The following PCDHA11 variants were observed in gnomAD, a reference collection of about 807,000 sequenced individuals.
PCDHA11 encodes the protein protocadherin alpha 11.
A neutral mutation model predicts 70.3 loss-of-function variants in PCDHA11; 61 were observed. The ratio of observed to expected loss-of-function variants is 0.87; its 90% CI spans 0.71 to 1.07. The LOEUF (loss-of-function observed/expected upper bound fraction) is 1.07, where lower values mean the gene tolerates loss of function less well. Ranked by LOEUF, PCDHA11 falls within the 50% of genes least tolerant of loss-of-function variation. The pLI is 0.00. For synonymous variants in PCDHA11, 633 were observed against 555.1 expected (o/e 1.14, Z -1.97); for missense variants, 1,324 against 1,237.5 (o/e 1.07, Z -1.05).
intron 1 of PCDHA11, chr5:140,968,752 C>T: frequency 6.2e-7 from 1 of 1,614,094 alleles, no homozygotes; most frequent in Non-Finnish European, 8.5e-7. Context: ...CCGTGGTGGT[C>T]CGAGATAATG....
chr5:140,976,702 A>G (rs782610534), intron 1 of PCDHA11, among the ~76,000 whole-genome samples: 2 of 152,220 alleles, frequency 1.3e-5, no homozygotes, highest in Non-Finnish European at 2.9e-5. Context: ...AATAATGTTG[A>G]CTTTGCATTA....
Position 140,870,614 on chromosome 5 carries a change from C to T in PCDHA11, c.1511C>T (p.Ser504Leu). Residue 504 changes from serine to leucine, a missense_variant, in exon 1 of 4, where the codon TCG becomes TTG. By Grantham distance (145) the Ser-to-Leu change is moderately radical. Coordinates refer to ENST00000398640, the MANE Select transcript of PCDHA11 (RefSeq NM_018902.5). ...VERRLGDRAL[S>L]SYVSVHAESG... ...CGGCGGTTGGGCGACCGCGCGCTGT[C>T]GAGCTACGTGTCGGTGCACGCGGAG... The T allele has an allele frequency of 1.2e-6, 2 of 1,613,212 alleles. No individual in the cohort carries two copies. The highest frequency in any genetic ancestry group is 1.7e-6 in the Non-Finnish European group (2 of 1,179,828).
chr5:140,877,076 T>C, intron 1 of PCDHA11: 1 of 1,613,022 alleles, frequency 6.2e-7, no homozygotes, highest in Non-Finnish European at 8.5e-7. Flanking sequence ...CAGTTCCAGG[T>C]GAGCGCGCGC....
At chr5:140,934,901 T>C (rs1270837168) in intron 1 of PCDHA11, among the ~76,000 whole-genome samples, 1 of 152,192 alleles carries the variant, frequency 6.6e-6, no homozygotes, top group African/African-American at 2.4e-5. Flanking sequence ...CCTTTTATTT[T>C]GGAATAATTA....
intron 1 of PCDHA11, among the ~76,000 whole-genome samples, chr5:140,918,196 G>T (rs978589409): frequency 7.9e-5 from 12 of 152,102 alleles, no homozygotes; most frequent in Non-Finnish European, 1.6e-4. Flanking sequence ...CCTCAGCTTG[G>T]ATGTTGTTGG....
rs562972971 is a variant in PCDHA11, at chr5:140,960,395, A to AG, written c.2392-18547dup. 1.1e-4 allele frequency among the ~76,000 whole-genome samples: 17 copies of AG among 152,266 alleles called. No individual in the cohort carries two copies. The Middle Eastern group carries it at 0.014, about 123-fold the overall frequency. ...TTAAGTGCCAAGACATTAGGATGCAAGGGGGGGTGCCCAAAAAGTCAACAA... is the reference window on the plus strand; with the variant it reads ...TTAAGTGCCAAGACATTAGGATGCAAGGGGGGGGTGCCCAAAAAGTCAACAA... On this transcript the variant is annotated intron_variant, in intron 1 of 3. Coordinates refer to ENST00000398640, the MANE Select transcript of PCDHA11 (RefSeq NM_018902.5).
intron 1 of PCDHA11, among the ~76,000 whole-genome samples, chr5:140,950,285 C>T (rs1314594266): frequency 1.3e-5 from 2 of 151,926 alleles, no homozygotes; most frequent in African/African-American, 4.8e-5. Context: ...TTTGCTTCAA[C>T]CTGAAAAACT....
chr5:140,903,962 G>C (rs548680386), intron 1 of PCDHA11, among the ~76,000 whole-genome samples: 21 of 152,226 alleles, frequency 1.4e-4, no homozygotes. Flanking sequence ...ATTATTTGTT[G>C]ATTTTTGGTC....
intron 1 of PCDHA11, among the ~76,000 whole-genome samples, chr5:140,949,279 A>T (rs2094358116): frequency 6.6e-6 from 1 of 151,848 alleles, no homozygotes; most frequent in African/African-American, 2.4e-5. Flanking sequence ...CTTGAAAAGA[A>T]TGTATATTCT....
In PCDHA11 at chr5:141,000,421, A is replaced by ATTTTT. The variant is rs34755515; in HGVS notation, c.2540-9187_2540-9183dup. Among the ~76,000 whole-genome samples, 110 of 27,976 alleles carry ATTTTT rather than the reference A, an allele frequency of 3.9e-3. 3 individuals carry two copies. Among genetic ancestry groups the ATTTTT allele is most frequent in the Non-Finnish European group, 5.0e-3 (89 of 17,656 alleles). The allele number at this position is 27,976 out of a possible 152,430, so 18.4% of individuals were successfully genotyped here. ...TATATATATATATATATATATATATATTTTTTTTTTTTTTTTTTTTTTTGA... is the reference window on the plus strand; with the variant it reads ...TATATATATATATATATATATATATATTTTTTTTTTTTTTTTTTTTTTTTTTTTGA... On this transcript the variant is annotated intron_variant, in intron 3 of 3. Coordinates refer to ENST00000398640, the MANE Select transcript of PCDHA11 (RefSeq NM_018902.5).
chr5:140,964,785 C>T (rs890090665), intron 1 of PCDHA11, among the ~76,000 whole-genome samples: 2 of 151,408 alleles, frequency 1.3e-5, no homozygotes, highest in East Asian at 3.9e-4. Context: ...GAGGAAGAAG[C>T]CAGAGACCCA....
At chr5:140,883,038 A>G (rs782789489) in intron 1 of PCDHA11, 3 of 1,614,160 alleles carry the variant, frequency 1.9e-6, no homozygotes, top group East Asian at 2.2e-5. Context: ...AACGCCTTCA[A>G]TGGAACATTA....
intron 1 of PCDHA11, among the ~76,000 whole-genome samples, chr5:140,932,087 A>G (rs1262295013): frequency 6.6e-6 from 1 of 151,918 alleles, no homozygotes; most frequent in African/African-American, 2.4e-5. Flanking sequence ...TCAGGAAAAC[A>G]TGGTTTTTAT....
At chr5:140,969,309 A>G in intron 1 of PCDHA11, 2 of 1,614,212 alleles carry the variant, frequency 1.2e-6, no homozygotes, top group Non-Finnish European at 1.7e-6. Context: ...ATTCTCAAAA[A>G]TGAGGCTGTT....
In PCDHA11 at chr5:141,011,512, G is replaced by A. The variant is rs561564688; in HGVS notation, c.*1575G>A. On this transcript the variant is annotated 3_prime_UTR_variant, in exon 4 of 4. Coordinates refer to ENST00000398640, the MANE Select transcript of PCDHA11 (RefSeq NM_018902.5). ...TGTACACCTGTGAAAAAGTGGAGTAGTGTTTTTTTAACCATTGTTAATCAG... is the reference window on the plus strand; with the variant it reads ...TGTACACCTGTGAAAAAGTGGAGTAATGTTTTTTTAACCATTGTTAATCAG... 9 of 153,844 alleles carry A rather than the reference G, an allele frequency of 5.9e-5. No homozygotes were observed. Among genetic ancestry groups the A allele is most frequent in the African/African-American group, 2.2e-4 (9 of 41,570 alleles). 9.5% of individuals were successfully genotyped at this position (153,844 alleles called of 1,614,324 possible).
chr5:140,869,082 T>A lies in PCDHA11; in HGVS notation c.-22T>A. On this transcript the variant is annotated 5_prime_UTR_variant, in exon 1 of 4. The change creates a new upstream start codon in the 5' untranslated region. Transcript: ENST00000398640. ...TACTGTAAGTGTAAAGAAGCTTATTTTGGAAGCCAATTTCGTATGCGATGT... is the reference window on the plus strand; with the variant it reads ...TACTGTAAGTGTAAAGAAGCTTATTATGGAAGCCAATTTCGTATGCGATGT... 1 of 1,582,446 alleles carries A rather than the reference T, an allele frequency of 6.3e-7. No individual in the cohort carries two copies. The highest frequency in any genetic ancestry group is 1.2e-5 in the South Asian group (1 of 86,182).
chr5:141,006,921 A>G (rs1229765479), intron 3 of PCDHA11, among the ~76,000 whole-genome samples: 1 of 152,176 alleles, frequency 6.6e-6, no homozygotes, highest in Non-Finnish European at 1.5e-5. Context: ...TGCCCATGAG[A>G]TTTCCAACTG....
At position 140,894,082 on chromosome 5, in the gene PCDHA11, A is replaced by C. The variant is rs2064311424; in HGVS notation, c.2391+22588A>C. On this transcript the variant is annotated intron_variant, in intron 1 of 3. Transcript: ENST00000398640. ...TTTTTAAATACATTTATTTTATTCC[A>C]GTATCTTCTAGCTCCTGGTGTTGCA... 3.3e-5 allele frequency among the ~76,000 whole-genome samples: 5 copies of C among 152,174 alleles called. No homozygotes were observed. In the South Asian group the frequency reaches 8.3e-4, roughly 25 times the overall value.
At chr5:140,980,856 G>A (rs559833499) in intron 2 of PCDHA11, among the ~76,000 whole-genome samples, 2 of 152,004 alleles carry the variant, frequency 1.3e-5, no homozygotes, top group African/African-American at 2.4e-5. Context: ...AATCTTTTTC[G>A]TATGTGTGCT....
Sources: allele counts gnomAD v4.1 joint callset (sites outside exome capture counted in the v4.1 genomes callset), GRCh38; gene constraint gnomAD v4.1.1; transcripts MANE v1.5; gene names NCBI Gene and HGNC (gene_info 2026-07-23, HGNC 2026-07-21).